Variants in ACAD11 observed in about 807,000 individuals in gnomAD.
The protein encoded by ACAD11 is acyl-CoA dehydrogenase family member 11.
A neutral mutation model predicts 102.2 loss-of-function variants in ACAD11; 83 were observed. The observed-to-expected ratio is 0.81, with a 90% confidence interval of 0.68 to 0.97. ACAD11 has a LOEUF of 0.97. ACAD11 is among the 50% of genes least tolerant of loss of function. The pLI is 0.00. For missense variants in ACAD11, 901 were observed against 951.7 expected, an observed-to-expected ratio of 0.95 and a Z score of 0.70; for synonymous variants, 324 against 319.8, an observed-to-expected ratio of 1.01 and a Z score of -0.14.
chr3:132,623,777 T>G (rs1257035779), intron 9 of ACAD11, among the ~76,000 whole-genome samples: 2 of 152,236 alleles, frequency 1.3e-5, no homozygotes, highest in Non-Finnish European at 2.9e-5. Context: ...ACACCTCTTC[T>G]GTGCTGCAGT....
At chr3:132,572,899 T>C (rs1323329309) in intron 17 of ACAD11, among the ~76,000 whole-genome samples, 1 of 152,196 alleles carries the variant, frequency 6.6e-6, no homozygotes, top group Non-Finnish European at 1.5e-5. Flanking sequence ...CGTTTAATTG[T>C]CCTTTTATTT....
chr3:132,608,021 T>A (rs1938925227), intron 11 of ACAD11, among the ~76,000 whole-genome samples: 2 of 152,136 alleles, frequency 1.3e-5, no homozygotes, highest in South Asian at 4.1e-4. Context: ...CCAGCCAAAC[T>A]AAGCTTCATA....
At position 132,644,909 on chromosome 3, in the gene ACAD11, A is replaced by T; in HGVS notation, c.150-13T>A. ...GGACTTTCCTGCTCTAGATAAAAGTAAAAAAAAAAAAGGTCAATTACAAAG... is the reference window on the plus strand; with the variant it reads ...GGACTTTCCTGCTCTAGATAAAAGTTAAAAAAAAAAAGGTCAATTACAAAG... On this transcript the variant is annotated splice_polypyrimidine_tract_variant and intron_variant, in intron 1 of 19. Transcript: ENST00000264990. The T allele has an allele frequency of 7.2e-6, 3 of 414,108 alleles. No homozygotes were observed. Among genetic ancestry groups the T allele is most frequent in the Non-Finnish European group, 1.0e-5 (3 of 289,506 alleles). 25.7% of individuals were successfully genotyped at this position (414,108 alleles called of 1,614,324 possible).
chr3:132,597,414 T>C (rs1190934802), intron 13 of ACAD11: 2 of 150,896 alleles, frequency 1.3e-5, no homozygotes, highest in Non-Finnish European at 2.9e-5. Context: ...GGAGTCTTGA[T>C]GCATAAAAGT....
intron 12 of ACAD11, among the ~76,000 whole-genome samples, chr3:132,604,525 T>C (rs1397010983): frequency 3.3e-5 from 5 of 152,156 alleles, no homozygotes; most frequent in Admixed American, 3.3e-4. Flanking sequence ...ACAAGCAAAA[T>C]TTGGTATAAT....
At chr3:132,580,420 T>C (rs1272170867) in intron 13 of ACAD11, among the ~76,000 whole-genome samples, 1 of 152,014 alleles carries the variant, frequency 6.6e-6, no homozygotes, top group East Asian at 1.9e-4. Flanking sequence ...TAATCCAGTT[T>C]CTTCAACAAT....
intron 5 of ACAD11, among the ~76,000 whole-genome samples, chr3:132,637,586 A>T (rs1940320309): frequency 6.6e-6 from 1 of 152,184 alleles, no homozygotes; most frequent in South Asian, 2.1e-4. Context: ...TGAAATGACA[A>T]TATGCAGATT....
At chr3:132,577,458 C>T (rs1047791556) in intron 15 of ACAD11, among the ~76,000 whole-genome samples, 13 of 152,064 alleles carry the variant, frequency 8.5e-5, no homozygotes, top group South Asian at 6.2e-4. Flanking sequence ...TGGAAACCAA[C>T]GCCTAAAGAT....
chr3:132,625,570 A>T (rs1044521677), intron 9 of ACAD11, among the ~76,000 whole-genome samples: 6 of 152,198 alleles, frequency 3.9e-5, no homozygotes, highest in Non-Finnish European at 7.3e-5. Context: ...GTGAGAGGTG[A>T]CTATTTTAGA....
At chr3:132,610,880 A>G (rs1475774916) in intron 11 of ACAD11, among the ~76,000 whole-genome samples, 1 of 152,216 alleles carries the variant, frequency 6.6e-6, no homozygotes, top group African/African-American at 2.4e-5. Flanking sequence ...TTATGAGGCC[A>G]GCATCATCCT....
chr3:132,630,191 TCCTC>T (rs1420022019), intron 7 of ACAD11, among the ~76,000 whole-genome samples: 1 of 152,204 alleles, frequency 6.6e-6, no homozygotes, highest in Non-Finnish European at 1.5e-5. Flanking sequence ...ATGTCATTCT[TCCTC>T]CATCCATCTT....
rs76584571 is a variant in ACAD11, at chr3:132,558,842, T to C, written c.*129A>G. 0.02 allele frequency: 13,613 copies of C among 672,528 alleles called. 338 individuals are homozygous for C. Among genetic ancestry groups the C allele is most frequent in the South Asian group, 0.078 (3,900 of 50,066 alleles). 41.7% of individuals were successfully genotyped at this position (672,528 alleles called of 1,614,324 possible). A position where few individuals can be genotyped will look rare whatever the true frequency, so the allele number is the denominator to read the frequency against. Reference sequence around the variant, plus strand: ...CCACTGATCAAAATAGATGCTATAATCTTTACCACAAATGAATAATTAACC... The same window carrying C: ...CCACTGATCAAAATAGATGCTATAACCTTTACCACAAATGAATAATTAACC... On this transcript the variant is annotated 3_prime_UTR_variant, in exon 20 of 20. Transcript: ENST00000264990.
At chr3:132,602,107 TGCA>T (rs1938634058) in intron 13 of ACAD11, 1 of 166,758 alleles carries the variant, frequency 6.0e-6, no homozygotes, top group South Asian at 2.1e-4. Flanking sequence ...TGAATAAGTA[TGCA>T]GCAGAACTCC....
At chr3:132,652,388 C>T (rs1559979822) in intron 1 of ACAD11, among the ~76,000 whole-genome samples, 3 of 152,172 alleles carry the variant, frequency 2.0e-5, no homozygotes, top group Admixed American at 1.3e-4. Context: ...TACCCAGTCT[C>T]GGGTATGTCT....
chr3:132,640,411 C>G (rs1940448188), intron 4 of ACAD11, among the ~76,000 whole-genome samples: 1 of 152,126 alleles, frequency 6.6e-6, no homozygotes, highest in African/African-American at 2.4e-5. Flanking sequence ...AATACTCTTT[C>G]TTATTACCCA....
At chr3:132,603,582 T>C (rs1245496864) in intron 12 of ACAD11, among the ~76,000 whole-genome samples, 2 of 152,220 alleles carry the variant, frequency 1.3e-5, no homozygotes, top group Non-Finnish European at 2.9e-5. Flanking sequence ...CTCACTGATA[T>C]ATGATTTGGG....
chr3:132,652,560 C>T (rs1330740250), intron 1 of ACAD11, among the ~76,000 whole-genome samples: 1 of 151,688 alleles, frequency 6.6e-6, no homozygotes, highest in Non-Finnish European at 1.5e-5. Flanking sequence ...CATGTTAAAT[C>T]CATTTTTTTT....
chr3:132,641,360 G>A (rs1414802759), intron 4 of ACAD11, among the ~76,000 whole-genome samples: 1 of 152,020 alleles, frequency 6.6e-6, no homozygotes, highest in Non-Finnish European at 1.5e-5. Flanking sequence ...TGGCTAACAC[G>A]GTGAAACCCC....
chr3:132,651,775 G>C (rs371242493), intron 1 of ACAD11, among the ~76,000 whole-genome samples: 3 of 152,302 alleles, frequency 2.0e-5, no homozygotes, highest in Admixed American at 6.5e-5. Flanking sequence ...ACTGGATTTT[G>C]GACTTGCATG....
Sources: allele counts gnomAD v4.1 joint callset (sites outside exome capture counted in the v4.1 genomes callset), GRCh38; gene constraint gnomAD v4.1.1; transcripts MANE v1.5; gene names NCBI Gene and HGNC (gene_info 2026-07-23, HGNC 2026-07-21).